The following PRKD1 variants were observed in gnomAD, a reference collection of about 807,000 sequenced individuals.
The protein encoded by PRKD1 is protein kinase D1, also known as serine/threonine-protein kinase D1.
Under a neutral mutation model 95.9 loss-of-function variants are expected in PRKD1, and 63 were observed. The observed-to-expected ratio is 0.66, with a 90% CI of 0.54 to 0.81. The LOEUF is 0.81. Ranked by LOEUF, PRKD1 falls within the 30% of genes least tolerant of loss-of-function variation. The pLI is 0.00. For synonymous variants in PRKD1, 425 were observed against 423.1 expected (o/e 1.00, Z -0.05); for missense variants, 1,048 against 1,165.3 (o/e 0.90, Z 1.47).
At chr14:29,734,992 T>G in intron 1 of PRKD1, among the ~76,000 whole-genome samples, 1 of 152,288 alleles carries the variant, frequency 6.6e-6, no homozygotes, top group Non-Finnish European at 1.5e-5. Context: ...TTCCCTTTTC[T>G]GAGGGATCAC....
chr14:29,849,556 A>AAAC (rs200478549), intron 1 of PRKD1, among the ~76,000 whole-genome samples: 19 of 150,512 alleles, frequency 1.3e-4, no homozygotes, highest in East Asian at 7.8e-4. Context: ...CAGTGAAGTA[A>AAAC]AACAACAACA....
intron 1 of PRKD1, among the ~76,000 whole-genome samples, chr14:29,847,619 C>G (rs547982527): frequency 6.6e-6 from 1 of 152,232 alleles, no homozygotes; most frequent in South Asian, 2.1e-4. Flanking sequence ...TTTCATGCAA[C>G]AGACTAACAA....
At chr14:29,877,242 C>T (rs981230712) in intron 1 of PRKD1, among the ~76,000 whole-genome samples, 9 of 152,288 alleles carry the variant, frequency 5.9e-5, no homozygotes, top group Non-Finnish European at 1.0e-4. Flanking sequence ...AACCCTGGTA[C>T]ACTGCTGGTA....
intron 2 of PRKD1, among the ~76,000 whole-genome samples, chr14:29,710,653 C>T (rs540328827): frequency 6.6e-6 from 1 of 152,044 alleles, no homozygotes; most frequent in African/African-American, 2.4e-5. Flanking sequence ...AGAAACAGGA[C>T]ATTAATGAAA....
chr14:29,611,681 T>A (rs1264355598), intron 13 of PRKD1, among the ~76,000 whole-genome samples: 1 of 149,940 alleles, frequency 6.7e-6, no homozygotes, highest in East Asian at 2.0e-4. Context: ...ATGACCCCCT[T>A]CCCTTCACAC....
chr14:29,806,653 A>G (rs1890248034), intron 1 of PRKD1, among the ~76,000 whole-genome samples: 1 of 152,234 alleles, frequency 6.6e-6, no homozygotes, highest in South Asian at 2.1e-4. Context: ...CTCCTGAAGT[A>G]TGCAGAGATT....
intron 1 of PRKD1, among the ~76,000 whole-genome samples, chr14:29,781,020 T>TC (rs931866179): frequency 1.6e-4 from 25 of 151,840 alleles, no homozygotes; most frequent in African/African-American, 5.8e-4. Context: ...ACCATCATTC[T>TC]CAGCAAACTA....
chr14:29,729,567 T>C (rs771001095), intron 1 of PRKD1, among the ~76,000 whole-genome samples: 8 of 152,084 alleles, frequency 5.3e-5, no homozygotes, highest in Non-Finnish European at 1.2e-4. Context: ...GTAACAAACT[T>C]GTCAATTTTA....
At chr14:29,859,013 G>T (rs1290859485) in intron 1 of PRKD1, among the ~76,000 whole-genome samples, 2 of 152,042 alleles carry the variant, frequency 1.3e-5, no homozygotes, top group African/African-American at 4.8e-5. Flanking sequence ...TTACAAAAAG[G>T]TCTTTACTAC....
At chr14:29,686,222 G>C (rs1196264597) in intron 2 of PRKD1, among the ~76,000 whole-genome samples, 1 of 152,076 alleles carries the variant, frequency 6.6e-6, no homozygotes, top group East Asian at 1.9e-4. Context: ...TGGAGAGAGT[G>C]CTCCACAATT....
intron 1 of PRKD1, among the ~76,000 whole-genome samples, chr14:29,800,676 C>G (rs1247033423): frequency 6.6e-6 from 1 of 151,952 alleles, no homozygotes; most frequent in East Asian, 1.9e-4. Flanking sequence ...TGTCAAATCA[C>G]AGGAAAAAAA....
At chr14:29,705,085 T>C (rs1023820058) in intron 2 of PRKD1, among the ~76,000 whole-genome samples, 3 of 152,156 alleles carry the variant, frequency 2.0e-5, no homozygotes, top group African/African-American at 4.8e-5. Context: ...TGCAAGGTAC[T>C]ATAGCCAAAT....
chr14:29,769,257 T>C (rs1436335313), intron 1 of PRKD1, among the ~76,000 whole-genome samples: 1 of 152,072 alleles, frequency 6.6e-6, no homozygotes, highest in Non-Finnish European at 1.5e-5. Context: ...TCTCTCTCTC[T>C]TTTCTTTTTT....
intron 1 of PRKD1, among the ~76,000 whole-genome samples, chr14:29,728,733 T>C (rs1886292699): frequency 1.3e-5 from 2 of 152,196 alleles, no homozygotes; most frequent in Admixed American, 1.3e-4. Context: ...AAAAATGCAA[T>C]GAACATTATG....
chr14:29,708,029 G>A (rs1426758794), intron 2 of PRKD1, among the ~76,000 whole-genome samples: 1 of 152,086 alleles, frequency 6.6e-6, no homozygotes, highest in Non-Finnish European at 1.5e-5. Context: ...TACATTTGGA[G>A]GCTCACCTTT....
At chr14:29,747,736 C>G (rs199521052) in intron 1 of PRKD1, among the ~76,000 whole-genome samples, 2 of 151,984 alleles carry the variant, frequency 1.3e-5, no homozygotes, top group East Asian at 1.9e-4. Flanking sequence ...CCTTTTTTTA[C>G]TTTATTAATT....
At chr14:29,879,076 G>A (rs529553976) in intron 1 of PRKD1, among the ~76,000 whole-genome samples, 26 of 152,202 alleles carry the variant, frequency 1.7e-4, no homozygotes, top group African/African-American at 6.3e-4. Context: ...CTCTAGCTCA[G>A]CACCCACCTT....
chr14:29,777,419 C>T (rs903431462), intron 1 of PRKD1, among the ~76,000 whole-genome samples: 5 of 152,098 alleles, frequency 3.3e-5, no homozygotes, highest in South Asian at 2.1e-4. Context: ...CAGAGATACA[C>T]ATAGGCTCAA....
chr14:29,701,887 A>G (rs1241648406), intron 2 of PRKD1, among the ~76,000 whole-genome samples: 1 of 152,138 alleles, frequency 6.6e-6, no homozygotes, highest in Non-Finnish European at 1.5e-5. Context: ...TCTCAGACTT[A>G]AATCCTCTTA....
Sources: allele counts gnomAD v4.1 joint callset (sites outside exome capture counted in the v4.1 genomes callset), GRCh38; gene constraint gnomAD v4.1.1; transcripts MANE v1.5; gene names NCBI Gene and HGNC (gene_info 2026-07-23, HGNC 2026-07-21).